THRB: variants seen among roughly 807,000 people sequenced by gnomAD.
THRB encodes nuclear receptor subfamily 1 group A member 2.
In THRB, 12 loss-of-function variants were observed where a neutral mutation model predicts 47.8. The observed-to-expected ratio is 0.25, with a 90% CI of 0.16 to 0.41. The LOEUF is 0.41. THRB is among the 10% of genes least tolerant of loss of function. The pLI, the probability that THRB is intolerant of heterozygous loss-of-function variation, is 1.00. For synonymous variants in THRB, 218 were observed against 212.2 expected (o/e 1.03, Z -0.24); for missense variants, 348 against 589.2 (o/e 0.59, Z 4.24).
intron 4 of THRB, among the ~76,000 whole-genome samples, chr3:24,218,240 C>T (rs1179369666): frequency 6.6e-6 from 1 of 151,274 alleles, no homozygotes; most frequent in African/African-American, 2.4e-5. Flanking sequence ...TGCACTCCAG[C>T]CTGGGCGACA....
intron 3 of THRB, among the ~76,000 whole-genome samples, chr3:24,288,830 A>T (rs2055614560): frequency 6.6e-6 from 1 of 152,224 alleles, no homozygotes; most frequent in Admixed American, 6.6e-5. Flanking sequence ...GCGTTTCTTA[A>T]GAGTTAGGAT....
intron 1 of THRB, chr3:24,458,832 G>A (rs2073428468): frequency 6.6e-6 from 1 of 152,044 alleles, no homozygotes; most frequent in African/African-American, 2.4e-5. Context: ...AGATGTCCAT[G>A]TAGGATGGCC....
chr3:24,447,972 G>A (rs1440915881), intron 1 of THRB, among the ~76,000 whole-genome samples: 4 of 152,072 alleles, frequency 2.6e-5, no homozygotes, highest in African/African-American at 9.7e-5. Flanking sequence ...TATTTATGAA[G>A]TACCTTCCTG....
chr3:24,394,054 T>A (rs1461918059), intron 1 of THRB, among the ~76,000 whole-genome samples: 1 of 152,130 alleles, frequency 6.6e-6, no homozygotes, highest in Admixed American at 6.6e-5. Flanking sequence ...TATTTCTATA[T>A]CATAGAAAGG....
chr3:24,395,440 A>T (rs2066886494), intron 1 of THRB, among the ~76,000 whole-genome samples: 1 of 152,150 alleles, frequency 6.6e-6, no homozygotes, highest in Admixed American at 6.6e-5. Context: ...GAATAATCCA[A>T]TTGGAAAATA....
intron 5 of THRB, among the ~76,000 whole-genome samples, chr3:24,186,992 A>G (rs1178758952): frequency 6.6e-6 from 1 of 151,936 alleles, no homozygotes; most frequent in Non-Finnish European, 1.5e-5. Flanking sequence ...AAAATGAAAA[A>G]CAAAACCTTA....
At chr3:24,255,473 A>T (rs1230874960) in intron 3 of THRB, among the ~76,000 whole-genome samples, 1 of 152,218 alleles carries the variant, frequency 6.6e-6, no homozygotes, top group African/African-American at 2.4e-5. Context: ...AAGCCAATGT[A>T]AAATTAAAGC....
intron 1 of THRB, among the ~76,000 whole-genome samples, chr3:24,386,819 C>A (rs4858607): frequency 2.6e-5 from 4 of 152,192 alleles, no homozygotes; most frequent in Admixed American, 2.6e-4. Flanking sequence ...GAACAGAAAG[C>A]CTCAGTTTCT....
At chr3:24,374,542 T>C (rs922324154) in intron 1 of THRB, among the ~76,000 whole-genome samples, 50 of 152,146 alleles carry the variant, frequency 3.3e-4, no homozygotes, top group Non-Finnish European at 1.5e-5. Context: ...TCAGGGCTGA[T>C]ACTATTATTT....
At chr3:24,476,927 A>G (rs1695544596) in intron 1 of THRB, among the ~76,000 whole-genome samples, 1 of 152,150 alleles carries the variant, frequency 6.6e-6, no homozygotes, top group Non-Finnish European at 1.5e-5. Context: ...CATGTGGACA[A>G]ACATCATCAA....
At chr3:24,249,188 G>A (rs2050410130) in intron 3 of THRB, among the ~76,000 whole-genome samples, 1 of 152,112 alleles carries the variant, frequency 6.6e-6, no homozygotes, top group Non-Finnish European at 1.5e-5. Context: ...TAGAGTAGAA[G>A]TCTTCAAAGG....
chr3:24,210,960 A>C (rs1487724748), intron 4 of THRB, among the ~76,000 whole-genome samples: 4 of 152,106 alleles, frequency 2.6e-5, no homozygotes, highest in African/African-American at 9.7e-5. Context: ...GCACTTTGGG[A>C]GGCTGAAGCG....
At chr3:24,163,984 G>T (rs2039273017) in intron 5 of THRB, among the ~76,000 whole-genome samples, 1 of 152,020 alleles carries the variant, frequency 6.6e-6, no homozygotes, top group South Asian at 2.1e-4. Flanking sequence ...TATGTTTTAA[G>T]ATTAATTTAA....
intron 3 of THRB, among the ~76,000 whole-genome samples, chr3:24,269,411 A>G (rs1026203383): frequency 6.8e-4 from 72 of 106,262 alleles, no homozygotes; most frequent in African/African-American, 2.8e-3. Context: ...GCGCACACAC[A>G]CACACACACA....
intron 3 of THRB, among the ~76,000 whole-genome samples, chr3:24,239,217 C>T (rs62253727): frequency 0.088 from 13,341 of 152,198 alleles, 733 homozygotes; most frequent in African/African-American, 0.15. Context: ...GCTGGGATTA[C>T]AGGCGTGAGC....
chr3:24,321,621 A>G (rs1250282877), intron 2 of THRB, among the ~76,000 whole-genome samples: 1 of 151,880 alleles, frequency 6.6e-6, no homozygotes. Flanking sequence ...GGGGGATTGT[A>G]TGCTAATATA....
At chr3:24,180,594 T>C (rs1259712634) in intron 5 of THRB, among the ~76,000 whole-genome samples, 2 of 152,232 alleles carry the variant, frequency 1.3e-5, no homozygotes, top group African/African-American at 2.4e-5. Context: ...ACTCTAATCT[T>C]ACTTGAAAAG....
chr3:24,494,101 G>C (rs534659326), intron 1 of THRB: 1 of 152,712 alleles, frequency 6.5e-6, no homozygotes, highest in Non-Finnish European at 1.5e-5. Flanking sequence ...GCCAGGCACC[G>C]GCCACGGCGC....
At chr3:24,210,674 C>CA (rs2045929898) in intron 4 of THRB, among the ~76,000 whole-genome samples, 1 of 152,188 alleles carries the variant, frequency 6.6e-6, no homozygotes, top group Non-Finnish European at 1.5e-5. Flanking sequence ...GCTGGGCTAC[C>CA]TGGCACTGGA....
Sources: allele counts gnomAD v4.1 joint callset (sites outside exome capture counted in the v4.1 genomes callset), GRCh38; gene constraint gnomAD v4.1.1; transcripts MANE v1.5; gene names NCBI Gene and HGNC (gene_info 2026-07-23, HGNC 2026-07-21).